COL25A1: variants seen among roughly 807,000 people sequenced by gnomAD.
COL25A1 encodes collagen type XXV alpha 1 chain.
In COL25A1, 103 loss-of-function variants were observed where a neutral mutation model predicts 128.4. The observed-to-expected ratio is 0.80, with a 90% CI of 0.68 to 0.94. The LOEUF (loss-of-function observed/expected upper bound fraction) is 0.94, where lower values mean the gene tolerates loss of function less well. Ranked by LOEUF, COL25A1 falls within the 40% of genes least tolerant of loss-of-function variation. The pLI is 0.00. For missense variants in COL25A1, 745 were observed against 840.0 expected (o/e 0.89, Z 1.40); for synonymous variants, 279 against 277.2 (o/e 1.01, Z -0.06).
intron 3 of COL25A1, among the ~76,000 whole-genome samples, chr4:109,091,313 T>C (rs1011030008): frequency 1.3e-5 from 2 of 152,206 alleles, no homozygotes; most frequent in Non-Finnish European, 2.9e-5. Context: ...TCTTCTCCCC[T>C]TTTTGTCTCT....
chr4:108,977,856 C>T (rs1024641875), intron 6 of COL25A1, among the ~76,000 whole-genome samples: 6 of 152,156 alleles, frequency 3.9e-5, no homozygotes, highest in African/African-American at 1.4e-4. Flanking sequence ...CTATAGACAC[C>T]TCCCCAGCCT....
chr4:109,227,556 C>T (rs1778888350), intron 3 of COL25A1, among the ~76,000 whole-genome samples: 1 of 151,352 alleles, frequency 6.6e-6, no homozygotes, highest in African/African-American at 2.5e-5. Context: ...GGTTATTGCT[C>T]AGCCATTGCA....
chr4:108,859,674 G>C lies in COL25A1; in HGVS notation c.1302C>G (p.Asn434Lys). The part of the protein sequence containing the change: ...GATEIIDYNG[N>K]LHEALQRITT... The stretch of plus-strand genomic sequence containing the variant: ...CACTTGCCTGTAAGGCTTCGTGGAG[G>C]TTGCCGTTGTAGTCTATGATCTCAG... Residue 434 changes from asparagine (N) to lysine (K), a missense_variant, in exon 24 of 38, where the codon AAC becomes AAG. By Grantham distance (94) the Asn-to-Lys change is moderately conservative (BLOSUM62 0). Transcript: ENST00000399132. The C allele has an allele frequency of 6.2e-7, 1 of 1,613,774 alleles. No individual in the cohort carries two copies. The highest frequency in any genetic ancestry group is 8.5e-7 in the Non-Finnish European group (1 of 1,179,868).
chr4:109,235,385 C>T (rs1476270948), intron 3 of COL25A1, among the ~76,000 whole-genome samples: 1 of 152,034 alleles, frequency 6.6e-6, no homozygotes, highest in Non-Finnish European at 1.5e-5. Flanking sequence ...CTTGGATGTG[C>T]AGGGCTATGT....
intron 18 of COL25A1, among the ~76,000 whole-genome samples, chr4:108,888,716 A>T (rs1346896918): frequency 6.6e-6 from 1 of 152,236 alleles, no homozygotes; most frequent in African/African-American, 2.4e-5. Context: ...CAGTCATGGC[A>T]CAAGTAGATA....
intron 32 of COL25A1, among the ~76,000 whole-genome samples, chr4:108,829,592 A>G (rs769991800): frequency 6.6e-6 from 1 of 152,060 alleles, no homozygotes; most frequent in Non-Finnish European, 1.5e-5. Flanking sequence ...AAAAATCTCC[A>G]TAGATTATTT....
intron 3 of COL25A1, among the ~76,000 whole-genome samples, chr4:109,250,192 A>C (rs973222289): frequency 6.6e-5 from 10 of 152,222 alleles, no homozygotes; most frequent in South Asian, 6.2e-4. Context: ...AGCTTGATAG[A>C]TTTGCTATAA....
At chr4:108,894,238 C>T (rs573553974) in intron 16 of COL25A1, among the ~76,000 whole-genome samples, 1 of 152,044 alleles carries the variant, frequency 6.6e-6, no homozygotes, top group South Asian at 2.1e-4. Context: ...TTTAATTTTA[C>T]AATATGATTG....
chr4:108,837,572 G>A (rs569159929), intron 31 of COL25A1, among the ~76,000 whole-genome samples: 2 of 152,056 alleles, frequency 1.3e-5, no homozygotes, highest in Non-Finnish European at 2.9e-5. Flanking sequence ...CCTCATAACA[G>A]GGAATTTTCA....
At chr4:109,135,858 G>A (rs1180948415) in intron 3 of COL25A1, among the ~76,000 whole-genome samples, 2 of 152,226 alleles carry the variant, frequency 1.3e-5, no homozygotes, top group East Asian at 3.9e-4. Context: ...GTAGCTCTCT[G>A]ACAGATCCAT....
intron 3 of COL25A1, among the ~76,000 whole-genome samples, chr4:109,207,817 C>T (rs1777135264): frequency 6.6e-6 from 1 of 152,122 alleles, no homozygotes; most frequent in Admixed American, 6.6e-5. Flanking sequence ...ACACCAAATA[C>T]TTAAAGTTAT....
chr4:108,937,314 A>T (rs1747541311), intron 11 of COL25A1, among the ~76,000 whole-genome samples: 1 of 151,682 alleles, frequency 6.6e-6, no homozygotes, highest in Non-Finnish European at 1.5e-5. Flanking sequence ...GAGTAAGTCC[A>T]TGTGGAATCA....
chr4:108,995,171 G>A (rs1321357235), intron 6 of COL25A1, among the ~76,000 whole-genome samples: 4 of 152,128 alleles, frequency 2.6e-5, no homozygotes, highest in South Asian at 4.2e-4. Flanking sequence ...AAACTTCTCC[G>A]AGCTGAAGGA....
At chr4:108,876,396 A>G (rs1264135434) in intron 19 of COL25A1, among the ~76,000 whole-genome samples, 2 of 152,036 alleles carry the variant, frequency 1.3e-5, no homozygotes, top group Non-Finnish European at 2.9e-5. Flanking sequence ...TTTCCACATT[A>G]CCGTAAAAAT....
rs1465157150 is a variant in COL25A1 at position 108,893,559 on chromosome 4, CA to C, written c.906+3107del. 3.3e-5 allele frequency among the ~76,000 whole-genome samples: 5 copies of C among 152,024 alleles called. No individual in the cohort carries two copies. The East Asian group carries it at 9.7e-4, about 29-fold the overall frequency. On this transcript the variant is annotated intron_variant, in intron 16 of 37. Coordinates refer to ENST00000399132, the MANE Select transcript of COL25A1 (RefSeq NM_198721.4). ...CAGCCTAGTGGTTTTTACAGTTCCA[CA>C]GTATTTCCAGATGACCAGTCTGGAA...
rs540432673 is a variant in COL25A1 at position 108,956,530 on chromosome 4, C to T, written c.493-15093G>A. ...AAGTGATTCTCCTGCCTCAGCCTCC[C>T]GAGTAGCTGGGATTACAGGTGCGTG... is the stretch of plus-strand genomic sequence containing the variant. On this transcript the variant is annotated intron_variant, in intron 8 of 37. Coordinates refer to ENST00000399132, the MANE Select transcript of COL25A1 (RefSeq NM_198721.4). Among the ~76,000 whole-genome samples the T allele has an allele frequency of 7.2e-5, 11 of 152,250 alleles. No homozygotes were observed. The East Asian group carries it at 1.9e-3, about 27-fold the overall frequency.
At chr4:108,886,232 A>G (rs985663802) in intron 18 of COL25A1, among the ~76,000 whole-genome samples, 1 of 152,186 alleles carries the variant, frequency 6.6e-6, no homozygotes, top group Non-Finnish European at 1.5e-5. Context: ...ATTATAATAC[A>G]TGTAATGTTA....
chr4:109,101,559 C>T (rs1047039107), intron 3 of COL25A1, among the ~76,000 whole-genome samples: 2 of 152,148 alleles, frequency 1.3e-5, no homozygotes, highest in Non-Finnish European at 2.9e-5. Context: ...AGAAAAAATC[C>T]TCAGTATCAC....
At chr4:108,908,292 G>A (rs13144614) in intron 13 of COL25A1, among the ~76,000 whole-genome samples, 72,181 of 151,364 alleles carry the variant, frequency 0.48, 19,410 homozygotes, top group East Asian at 0.93. Context: ...CGTCATCACT[G>A]AGCTGAGTCT....
Sources: allele counts gnomAD v4.1 joint callset (sites outside exome capture counted in the v4.1 genomes callset), GRCh38; gene constraint gnomAD v4.1.1; transcripts MANE v1.5; gene names NCBI Gene and HGNC (gene_info 2026-07-23, HGNC 2026-07-21).